The following GRB10 variants were observed in gnomAD, a reference collection of about 807,000 sequenced individuals.
GRB10 encodes the protein growth factor receptor-bound protein 10.
In GRB10, 20 loss-of-function variants were observed where a neutral mutation model predicts 80.9. That is an observed-to-expected ratio of 0.25 (90% confidence interval 0.17 to 0.36). The LOEUF (loss-of-function observed/expected upper bound fraction) is 0.36. Ranked by LOEUF, GRB10 falls within the 10% of genes least tolerant of loss-of-function variation. The probability of loss-of-function intolerance (pLI) is 1.00; values close to 1 mark genes in which losing one functional copy is unlikely to be tolerated. For synonymous variants in GRB10, 291 were observed against 291.5 expected (o/e 1.00, Z 0.02); for missense variants, 548 against 747.7 (o/e 0.73, Z 3.12).
chr7:50,683,942 C>A (rs568217232), intron 5 of GRB10, among the ~76,000 whole-genome samples: 2 of 152,220 alleles, frequency 1.3e-5, no homozygotes, highest in South Asian at 4.2e-4. Context: ...CTAAGTTACA[C>A]TAAACATAGA....
chr7:50,688,972 G>A (rs2062443947), intron 5 of GRB10, among the ~76,000 whole-genome samples: 2 of 152,150 alleles, frequency 1.3e-5, no homozygotes, highest in Admixed American at 1.3e-4. Flanking sequence ...AGGAGAGCTG[G>A]CCATGCACAG....
intron 4 of GRB10, among the ~76,000 whole-genome samples, chr7:50,719,147 G>A (rs2067320352): frequency 6.6e-6 from 1 of 152,138 alleles, no homozygotes. Flanking sequence ...GCAGTGCTAT[G>A]GAATAAAAGA....
At chr7:50,709,557 C>CT (rs386410130) in intron 4 of GRB10, among the ~76,000 whole-genome samples, 315 of 143,766 alleles carry the variant, frequency 2.2e-3, no homozygotes, top group African/African-American at 6.3e-3. Flanking sequence ...CCATTAAACT[C>CT]TTTTTTTTTG....
intron 2 of GRB10, among the ~76,000 whole-genome samples, chr7:50,762,276 A>C (rs10281065): frequency 0.63 from 94,816 of 150,192 alleles, 32,287 homozygotes; most frequent in Middle Eastern, 0.87. Context: ...TGATTTAATT[A>C]GCAGAAGCAA....
intron 7 of GRB10, among the ~76,000 whole-genome samples, chr7:50,646,514 T>C (rs2057215628): frequency 6.6e-6 from 1 of 152,246 alleles, no homozygotes; most frequent in South Asian, 2.1e-4. Context: ...TTTTTTACTA[T>C]GAATGTTACT....
At chr7:50,745,188 C>T (rs2072685334) in intron 3 of GRB10, among the ~76,000 whole-genome samples, 1 of 152,136 alleles carries the variant, frequency 6.6e-6, no homozygotes. Context: ...CAGTTCAAAT[C>T]CATGTTGTTC....
At chr7:50,631,526 A>T (rs2054002549) in intron 7 of GRB10, among the ~76,000 whole-genome samples, 1 of 152,238 alleles carries the variant, frequency 6.6e-6, no homozygotes, top group African/African-American at 2.4e-5. Flanking sequence ...TTAGGATGTA[A>T]TGTAAAATGG....
intron 7 of GRB10, among the ~76,000 whole-genome samples, chr7:50,657,816 G>GA (rs2058800765): frequency 6.6e-6 from 1 of 152,162 alleles, no homozygotes; most frequent in African/African-American, 2.4e-5. Context: ...GCAGAGGGAG[G>GA]ATGTTTACCA....
chr7:50,770,809 G>A (rs543035922), intron 2 of GRB10, among the ~76,000 whole-genome samples: 266 of 152,068 alleles, frequency 1.7e-3, no homozygotes, highest in African/African-American at 6.2e-3. Context: ...AAGATGTTAT[G>A]TTTACATATA....
At chr7:50,773,564 G>A (rs377004249) in intron 2 of GRB10, among the ~76,000 whole-genome samples, 24 of 152,078 alleles carry the variant, frequency 1.6e-4, no homozygotes, top group African/African-American at 5.1e-4. Context: ...TGGCAAGAAT[G>A]TGGAGAAACT....
intron 7 of GRB10, among the ~76,000 whole-genome samples, chr7:50,663,306 C>T (rs748347600): frequency 1.8e-4 from 27 of 152,148 alleles, no homozygotes; most frequent in Admixed American, 7.2e-4. Context: ...CCTCTCTGGC[C>T]CTTGTTCCAG....
intron 2 of GRB10, among the ~76,000 whole-genome samples, chr7:50,758,597 C>T (rs1373330789): frequency 6.6e-6 from 1 of 152,172 alleles, no homozygotes; most frequent in Non-Finnish European, 1.5e-5. Context: ...CAAATCCTAA[C>T]TTTCATGACG....
intron 7 of GRB10, among the ~76,000 whole-genome samples, chr7:50,659,712 G>A (rs1047949418): frequency 6.6e-6 from 1 of 152,214 alleles, no homozygotes; most frequent in Non-Finnish European, 1.5e-5. Context: ...CTCACCTAGA[G>A]GAGCATATTA....
chr7:50,667,689 A>C (rs1338283521), intron 7 of GRB10, among the ~76,000 whole-genome samples: 2 of 152,072 alleles, frequency 1.3e-5, no homozygotes, highest in Non-Finnish European at 2.9e-5. Context: ...ACAAAGAACA[A>C]GGACTTTCTA....
intron 7 of GRB10, among the ~76,000 whole-genome samples, chr7:50,629,353 C>T (rs183740422): frequency 1.2e-4 from 18 of 152,220 alleles, no homozygotes; most frequent in African/African-American, 4.1e-4. Context: ...ATAAATAGCC[C>T]GGGTATTAAA....
chr7:50,722,656 G>A (rs2067947511), intron 4 of GRB10, among the ~76,000 whole-genome samples: 1 of 151,812 alleles, frequency 6.6e-6, no homozygotes, highest in South Asian at 2.1e-4. Flanking sequence ...CGGATGATGG[G>A]GGATGGACTA....
intron 7 of GRB10, among the ~76,000 whole-genome samples, chr7:50,648,317 C>T (rs1338458869): frequency 5.9e-5 from 9 of 152,090 alleles, no homozygotes; most frequent in African/African-American, 1.7e-4. Context: ...CAGAGAACCC[C>T]GCTGGCTTTA....
At chr7:50,717,999 G>C (rs763949887) in intron 4 of GRB10, among the ~76,000 whole-genome samples, 1 of 152,244 alleles carries the variant, frequency 6.6e-6, no homozygotes, top group Admixed American at 6.5e-5. Context: ...TCACTCCAGG[G>C]AGTCCAAAGG....
At chr7:50,724,958 C>T (rs1365505299) in intron 4 of GRB10, among the ~76,000 whole-genome samples, 1 of 152,156 alleles carries the variant, frequency 6.6e-6, no homozygotes, top group Non-Finnish European at 1.5e-5. Flanking sequence ...CCAGGTACGC[C>T]ATGATGCCTT....
Sources: gnomAD v4.1 joint callset for allele counts (sites outside exome capture counted in the v4.1 genomes callset) on GRCh38, gnomAD v4.1.1 for gene constraint, MANE v1.5 for transcripts, NCBI Gene and HGNC (gene_info 2026-07-23, HGNC 2026-07-21) for gene names.